The following ASTN2 variants were observed in gnomAD, a reference collection of about 807,000 sequenced individuals.
ASTN2 encodes the protein astrotactin-2.
A neutral mutation model predicts 139.8 loss-of-function variants in ASTN2; 54 were observed. The observed-to-expected ratio is 0.39, with a 90% CI of 0.31 to 0.48. The LOEUF (loss-of-function observed/expected upper bound fraction) is 0.48, where lower values mean the gene tolerates loss of function less well. ASTN2 is among the 20% of genes least tolerant of loss of function. ASTN2 has a pLI of 0.95. For missense variants in ASTN2, 1,565 were observed against 1,725.1 expected, an observed-to-expected ratio of 0.91 and a Z score of 1.64; for synonymous variants, 756 against 719.5, an observed-to-expected ratio of 1.05 and a Z score of -0.81.
chr9:116,696,950 T>TA (rs11400163), intron 16 of ASTN2, among the ~76,000 whole-genome samples: 60,998 of 136,862 alleles, frequency 0.45, 13,848 homozygotes, highest in Admixed American at 0.52. Flanking sequence ...GTGACATGAT[T>TA]AAAAAAAAAA....
At chr9:117,328,033 G>A (rs1231868919) in intron 1 of ASTN2, among the ~76,000 whole-genome samples, 1 of 152,148 alleles carries the variant, frequency 6.6e-6, no homozygotes, top group Non-Finnish European at 1.5e-5. Context: ...GAGCTCAAAG[G>A]CATGGATAGG....
intron 19 of ASTN2, among the ~76,000 whole-genome samples, chr9:116,556,593 C>T (rs10116236): frequency 0.17 from 26,450 of 152,164 alleles, 2,641 homozygotes; most frequent in African/African-American, 0.26. Context: ...TTGGAACAAA[C>T]AGTTCTGCTG....
intron 6 of ASTN2, among the ~76,000 whole-genome samples, chr9:117,030,975 G>GT (rs1266035127): frequency 1.2e-4 from 18 of 152,110 alleles, no homozygotes; most frequent in African/African-American, 3.4e-4. Flanking sequence ...TTAAGTCTGG[G>GT]TTGGAGTTCA....
At position 116,823,943 on chromosome 9, in the gene ASTN2, G is replaced by C. The variant is rs369544948; in HGVS notation, c.2041-3160C>G. ...TTGTATATTATTAGTATTTCAATTA[G>C]TTTGTTGCTTACTGTCTGTCTCCTC... On this transcript the variant is annotated intron_variant, in intron 11 of 22. Coordinates refer to ENST00000313400, the MANE Select transcript of ASTN2 (RefSeq NM_001365068.1). Among the ~76,000 whole-genome samples the C allele has an allele frequency of 1.2e-3, 184 of 152,276 alleles. 3 individuals carry two copies. The South Asian group carries it at 0.036, about 30-fold the overall frequency.
intron 3 of ASTN2, among the ~76,000 whole-genome samples, chr9:117,146,615 G>A (rs920875914): frequency 1.3e-5 from 2 of 152,148 alleles, no homozygotes; most frequent in South Asian, 2.1e-4. Context: ...AAGGACAGGC[G>A]AGGAGACATG....
At chr9:117,362,152 T>A (rs1829709668) in intron 1 of ASTN2, among the ~76,000 whole-genome samples, 1 of 152,152 alleles carries the variant, frequency 6.6e-6, no homozygotes, top group Non-Finnish European at 1.5e-5. Flanking sequence ...TTTTGAAGTT[T>A]TAATAGAGAC....
At chr9:117,388,129 G>T (rs894441484) in intron 1 of ASTN2, among the ~76,000 whole-genome samples, 3 of 152,208 alleles carry the variant, frequency 2.0e-5, no homozygotes, top group Non-Finnish European at 4.4e-5. Flanking sequence ...TCCATTTGAA[G>T]AAAGGCTTTG....
chr9:117,000,597 C>T (rs1012272240), intron 7 of ASTN2, among the ~76,000 whole-genome samples: 3 of 152,120 alleles, frequency 2.0e-5, no homozygotes, highest in Non-Finnish European at 2.9e-5. Context: ...TTTTACTGGA[C>T]CAGAGCAAGT....
chr9:116,979,825 T>C (rs1836458302), intron 7 of ASTN2, among the ~76,000 whole-genome samples: 1 of 152,126 alleles, frequency 6.6e-6, no homozygotes, highest in African/African-American at 2.4e-5. Flanking sequence ...GCAGTGACTC[T>C]GCAGGAAATA....
intron 2 of ASTN2, among the ~76,000 whole-genome samples, chr9:117,240,168 T>C (rs1833164293): frequency 6.6e-6 from 1 of 152,128 alleles, no homozygotes; most frequent in South Asian, 2.1e-4. Context: ...CTGTCTATGG[T>C]CACACTGGTG....
At chr9:117,007,887 C>T (rs1264770995) in intron 7 of ASTN2, among the ~76,000 whole-genome samples, 3 of 152,118 alleles carry the variant, frequency 2.0e-5, no homozygotes, top group African/African-American at 7.2e-5. Context: ...CTTTCTTACT[C>T]TGAGAGTCTG....
At chr9:116,716,123 GC>G (rs1828307236) in intron 16 of ASTN2, among the ~76,000 whole-genome samples, 1 of 152,252 alleles carries the variant, frequency 6.6e-6, no homozygotes, top group South Asian at 2.1e-4. Context: ...GCTCCCTCAG[GC>G]CCTGCATCTC....
chr9:117,005,899 T>C (rs1049980144), intron 7 of ASTN2, among the ~76,000 whole-genome samples: 6 of 152,090 alleles, frequency 3.9e-5, no homozygotes, highest in Non-Finnish European at 8.8e-5. Flanking sequence ...AATCTGTGCC[T>C]TCTGTTTGAA....
intron 7 of ASTN2, among the ~76,000 whole-genome samples, chr9:116,986,240 G>C (rs967580696): frequency 1.4e-5 from 2 of 142,956 alleles, no homozygotes; most frequent in East Asian, 2.1e-4. Flanking sequence ...GCCCTTCCAG[G>C]CTTCCTGCTG....
At chr9:116,716,460 C>T (rs1828317319) in intron 16 of ASTN2, among the ~76,000 whole-genome samples, 1 of 152,140 alleles carries the variant, frequency 6.6e-6, no homozygotes, top group African/African-American at 2.4e-5. Context: ...TTCACCACTG[C>T]AATTTCTAAT....
chr9:116,622,677 A>G (rs1856223377), intron 17 of ASTN2, among the ~76,000 whole-genome samples: 1 of 152,242 alleles, frequency 6.6e-6, no homozygotes, highest in African/African-American at 2.4e-5. Flanking sequence ...ATTAATCCCA[A>G]GTAGGGTTGC....
chr9:116,950,479 A>G (rs1211139483), intron 10 of ASTN2, among the ~76,000 whole-genome samples: 2 of 152,210 alleles, frequency 1.3e-5, no homozygotes, highest in Non-Finnish European at 2.9e-5. Flanking sequence ...GAGAAGATTA[A>G]GAGGATTATT....
intron 10 of ASTN2, among the ~76,000 whole-genome samples, chr9:116,944,825 T>G (rs1393270442): frequency 6.6e-6 from 1 of 152,072 alleles, no homozygotes; most frequent in Non-Finnish European, 1.5e-5. Context: ...TGAGCTGTTA[T>G]GAGGAACTGG....
At chr9:116,691,613 GCA>G (rs1421115355) in intron 16 of ASTN2, among the ~76,000 whole-genome samples, 16 of 152,288 alleles carry the variant, frequency 1.1e-4, no homozygotes, top group Non-Finnish European at 1.8e-4. Flanking sequence ...AACTTCAGGA[GCA>G]TGCCTGTGTT....
Sources: gnomAD v4.1 joint callset for allele counts (sites outside exome capture counted in the v4.1 genomes callset) on GRCh38, gnomAD v4.1.1 for gene constraint, MANE v1.5 for transcripts, NCBI Gene and HGNC (gene_info 2026-07-23, HGNC 2026-07-21) for gene names.